Variants in PCDHGA1 observed in about 807,000 individuals in gnomAD.
PCDHGA1 encodes the protein protocadherin gamma-A1.
A neutral mutation model predicts 58.0 loss-of-function variants in PCDHGA1; 32 were observed. The observed-to-expected ratio is 0.55, with a 90% CI of 0.42 to 0.74. PCDHGA1 has a LOEUF of 0.74. Ranked by LOEUF, PCDHGA1 falls within the 30% of genes least tolerant of loss-of-function variation. PCDHGA1 has a pLI of 0.00. For synonymous variants in PCDHGA1, 498 were observed against 501.1 expected (o/e 0.99, Z 0.08); for missense variants, 1,205 against 1,182.3 (o/e 1.02, Z -0.28).
At chr5:141,484,317 T>C (rs939085863) in intron 1 of PCDHGA1, among the ~76,000 whole-genome samples, 1 of 152,220 alleles carries the variant, frequency 6.6e-6, no homozygotes, top group Non-Finnish European at 1.5e-5. Context: ...CCCGCTTCCA[T>C]ACTGTCCTTG....
At chr5:141,357,165 G>C (rs368780365) in intron 1 of PCDHGA1, 1 of 1,613,556 alleles carries the variant, frequency 6.2e-7, no homozygotes, top group Non-Finnish European at 8.5e-7. Flanking sequence ...CCCCTCTCTC[G>C]GCCACCGTCA....
At chr5:141,424,540 T>G (rs944656560) in intron 1 of PCDHGA1, 1 of 152,244 alleles carries the variant, frequency 6.6e-6, no homozygotes, top group Admixed American at 6.5e-5. Flanking sequence ...TAGAAATAAC[T>G]TGATTTTGAT....
rs573088236 is a variant in PCDHGA1, at chr5:141,489,279, G to A, written c.2422-5528G>A. On this transcript the variant is annotated intron_variant, in intron 1 of 3. Coordinates refer to ENST00000517417, the MANE Select transcript of PCDHGA1 (RefSeq NM_018912.3). This position sits in a 1 kb window ranked among gnomAD's most constrained non-coding sequence, Gnocchi z 4.5. Reference sequence around the variant, plus strand: ...CACTCCCACAGCTCGCTGGGAAATGGCAAGTGCTGTGCATGTTGTCCTTGT... The same window carrying A: ...CACTCCCACAGCTCGCTGGGAAATGACAAGTGCTGTGCATGTTGTCCTTGT... The A allele has an allele frequency of 6.4e-7, 1 of 1,562,030 alleles. No individual in the cohort carries two copies. Among genetic ancestry groups the A allele is most frequent in the East Asian group, 2.2e-5 (1 of 44,522 alleles).
At chr5:141,441,638 G>A (rs1456506194) in intron 1 of PCDHGA1, 2 of 226,008 alleles carry the variant, frequency 8.8e-6, no homozygotes, top group Non-Finnish European at 1.8e-5. Flanking sequence ...AGCCACAGGC[G>A]CTGTGATTCT....
In PCDHGA1 at chr5:141,432,670, G is replaced by C; in HGVS notation, c.2422-62137G>C. On this transcript the variant is annotated intron_variant, in intron 1 of 3. Transcript: ENST00000517417. The surrounding 1 kb of genome is among the most constrained non-coding windows in gnomAD (Gnocchi z 6.0). ...CGCGAGCCCTGCTGGACAGAGACGCGCTCAAGCAGAGCCTCGTAGTGGCCG... is the reference window on the plus strand; with the variant it reads ...CGCGAGCCCTGCTGGACAGAGACGCCCTCAAGCAGAGCCTCGTAGTGGCCG... 1 of 1,613,868 alleles carries C rather than the reference G, an allele frequency of 6.2e-7. No homozygotes were observed. The highest frequency in any genetic ancestry group is 8.5e-7 in the Non-Finnish European group (1 of 1,179,940).
At chr5:141,471,095 C>T (rs1266802067) in intron 1 of PCDHGA1, among the ~76,000 whole-genome samples, 1 of 144,764 alleles carries the variant, frequency 6.9e-6, no homozygotes, top group East Asian at 2.0e-4. Context: ...GTTGTCCAGG[C>T]TAGAGTGCAG....
intron 1 of PCDHGA1, chr5:141,421,420 G>A: frequency 6.2e-7 from 1 of 1,614,084 alleles, no homozygotes; most frequent in Admixed American, 1.7e-5. Context: ...GAAGCGCGGA[G>A]TCCGCATCGT....
rs1347283176 is a variant in PCDHGA1, at chr5:141,360,728, A to T, written c.2421+27623A>T. On this transcript the variant is annotated intron_variant, in intron 1 of 3. Coordinates refer to ENST00000517417, the MANE Select transcript of PCDHGA1 (RefSeq NM_018912.3). ...AAATATCCTGAGTTGATTCTAAAAC[A>T]CTCTCTGGACAGAGAAGAGCACAGT... 4 of 1,613,740 alleles carry T rather than the reference A, an allele frequency of 2.5e-6. No individual in the cohort carries two copies. The African/African-American group carries it at 5.3e-5, about 22-fold the overall frequency.
chr5:141,344,524 T>C (rs1392519914), intron 1 of PCDHGA1: 6 of 1,613,996 alleles, frequency 3.7e-6, no homozygotes, highest in Non-Finnish European at 5.1e-6. Flanking sequence ...GATGTAGGCA[T>C]TAACTCCCTG....
rs115808055 is a variant in PCDHGA1 at position 141,476,782 on chromosome 5, A to G, written c.2422-18025A>G. Reference sequence around the variant, plus strand: ...TGACGGCGTTGGACGGAGGGACCCCAGCTCTCTCCGCCAGCCTGCCTATTC... The same window carrying G: ...TGACGGCGTTGGACGGAGGGACCCCGGCTCTCTCCGCCAGCCTGCCTATTC... On this transcript the variant is annotated intron_variant, in intron 1 of 3. Transcript: ENST00000517417. This position sits in a 1 kb window ranked among gnomAD's most constrained non-coding sequence, Gnocchi z 7.6. 18,517 of 1,613,566 alleles carry G rather than the reference A, an allele frequency of 0.011. 139 individuals are homozygous for G. Among genetic ancestry groups the G allele is most frequent in the Non-Finnish European group, 0.014 (16,976 of 1,179,996 alleles).
chr5:141,365,891 G>C, intron 1 of PCDHGA1: 1 of 1,614,136 alleles, frequency 6.2e-7, no homozygotes, highest in Non-Finnish European at 8.5e-7. Flanking sequence ...GAGATCCTTC[G>C]ACTATGAGCA....
Position 141,485,549 on chromosome 5 carries a change from G to A in PCDHGA1, c.2422-9258G>A. 6.2e-7 allele frequency: 1 copy of A among 1,614,030 alleles called. No homozygotes were observed. The highest frequency in any genetic ancestry group is 1.1e-5 in the South Asian group (1 of 91,068). On this transcript the variant is annotated intron_variant, in intron 1 of 3. Transcript: ENST00000517417. The surrounding 1 kb of genome is among the most constrained non-coding windows in gnomAD (Gnocchi z 5.7). ...CCGAGCAGAGGTAGAGATCGTAGATGTGAATGATCACGCCCCCCGTTTTCC... is the reference window on the plus strand; with the variant it reads ...CCGAGCAGAGGTAGAGATCGTAGATATGAATGATCACGCCCCCCGTTTTCC...
intron 1 of PCDHGA1, chr5:141,478,694 T>G: frequency 1.3e-6 from 2 of 1,550,598 alleles, no homozygotes; most frequent in Non-Finnish European, 1.7e-6. Context: ...TAGATCAAAG[T>G]TAGTGCCTTT....
chr5:141,398,051 C>T, intron 1 of PCDHGA1: 1 of 1,512,220 alleles, frequency 6.6e-7, no homozygotes, highest in Non-Finnish European at 8.9e-7. Flanking sequence ...GTTCGGAGAT[C>T]CAAAAATCTA....
At chr5:141,339,567 C>T in intron 1 of PCDHGA1, 2 of 1,614,174 alleles carry the variant, frequency 1.2e-6, no homozygotes, top group Non-Finnish European at 1.7e-6. Context: ...CTGGAGCGCT[C>T]TCTGGACCGC....
chr5:141,494,428 G>A (rs1476469017), intron 1 of PCDHGA1, among the ~76,000 whole-genome samples: 1 of 152,148 alleles, frequency 6.6e-6, no homozygotes, highest in African/African-American at 2.4e-5. Flanking sequence ...TCATTGAAAA[G>A]CCTCCTTTGC....
rs1475572413 is a variant in PCDHGA1, at chr5:141,432,843, T to G, written c.2422-61964T>G. The G allele has an allele frequency of 6.2e-7, 1 of 1,614,066 alleles. No homozygotes were observed. The highest frequency in any genetic ancestry group is 8.5e-7 in the Non-Finnish European group (1 of 1,180,020). ...TCAGACCTCACTCTGTACCTGGTGGTAGCGGTGGCCGCGGTCTCCTGCGTC... is the reference window on the plus strand; with the variant it reads ...TCAGACCTCACTCTGTACCTGGTGGGAGCGGTGGCCGCGGTCTCCTGCGTC... On this transcript the variant is annotated intron_variant, in intron 1 of 3. Coordinates refer to ENST00000517417, the MANE Select transcript of PCDHGA1 (RefSeq NM_018912.3). This position sits in a 1 kb window ranked among gnomAD's most constrained non-coding sequence, Gnocchi z 6.0.
Position 141,486,278 on chromosome 5 carries a change from G to C in PCDHGA1, c.2422-8529G>C, listed in dbSNP as rs774763063. On this transcript the variant is annotated intron_variant, in intron 1 of 3. Coordinates refer to ENST00000517417, the MANE Select transcript of PCDHGA1 (RefSeq NM_018912.3). The surrounding 1 kb of genome is among the most constrained non-coding windows in gnomAD (Gnocchi z 5.0). ...CGAGAGTGCAGAACCTGGCACTGTG[G>C]TGGCACTTATCAGTGTGCAGGATCC... is the stretch of plus-strand genomic sequence containing the variant. 4 of 1,613,970 alleles carry C rather than the reference G, an allele frequency of 2.5e-6. No individual in the cohort carries two copies. In the South Asian group the frequency reaches 4.4e-5, roughly 18 times the overall value.
chr5:141,433,802 A>G (rs2097651656), intron 1 of PCDHGA1, among the ~76,000 whole-genome samples: 1 of 149,280 alleles, frequency 6.7e-6, no homozygotes, highest in Non-Finnish European at 1.5e-5. Flanking sequence ...GTGCCATTGC[A>G]CTCCAGCCTG....
Sources: allele counts gnomAD v4.1 joint callset (sites outside exome capture counted in the v4.1 genomes callset), GRCh38; gene constraint gnomAD v4.1.1; non-coding constraint Gnocchi (gnomAD v3.1); transcripts MANE v1.5; gene names NCBI Gene and HGNC (gene_info 2026-07-23, HGNC 2026-07-21).